Variants in CARS2 observed in about 807,000 individuals in gnomAD.
CARS2 encodes the protein cysteinyl-tRNA synthetase 2, mitochondrial.
Under a neutral mutation model 68.8 loss-of-function variants are expected in CARS2, and 52 were observed. That is an observed-to-expected ratio of 0.76 (90% CI 0.61 to 0.95). The LOEUF is 0.95. Among genes scored for constraint, CARS2 ranks in the 40% least tolerant of loss-of-function variants. The pLI is 0.00. For missense variants in CARS2, 780 were observed against 754.2 expected (o/e 1.03, Z -0.40); for synonymous variants, 314 against 303.6 (o/e 1.03, Z -0.36).
rs773231493 is a variant in CARS2, at chr13:110,651,040, G to C, written c.1048C>G (p.Arg350Gly). 14 of 1,612,778 alleles carry C rather than the reference G, an allele frequency of 8.7e-6. No individual in the cohort carries two copies. In the Admixed American group the frequency reaches 1.0e-4, roughly 12 times the overall value. Residue 350 changes from arginine to glycine, a missense_variant, in exon 10 of 15, where the codon CGC becomes GGC. Coordinates refer to ENST00000257347, the MANE Select transcript of CARS2 (RefSeq NM_024537.4). The stretch of plus-strand genomic sequence containing the variant: ...CCACGTGTGCTCGGCTCACCTGAGC[G>C]GTAGCTGCTCCGCAGGCAGAAGAAC... Reference protein sequence around the residue: ...FRFFCLRSSYRSAIDYSDSAM... With the variant: ...FRFFCLRSSYGSAIDYSDSAM...
At position 110,641,487 on chromosome 13, in the gene CARS2, G is replaced by T; in HGVS notation, c.*50C>A. Reference sequence around the variant, plus strand: ...CTTTAACATAAAGCCTTGACCCTGAGAAGCATGGGTGCGTCTTGTCGTGAG... The same window carrying T: ...CTTTAACATAAAGCCTTGACCCTGATAAGCATGGGTGCGTCTTGTCGTGAG... On this transcript the variant is annotated 3_prime_UTR_variant, in exon 15 of 15. Transcript: ENST00000257347. The T allele has an allele frequency of 7.0e-7, 1 of 1,438,710 alleles. No homozygotes were observed. Among genetic ancestry groups the T allele is most frequent in the Non-Finnish European group, 9.8e-7 (1 of 1,019,752 alleles). The allele number at this position is 1,438,710 out of a possible 1,614,324, so 89.1% of individuals were successfully genotyped here.
intron 12 of CARS2, 87 bp from the exon 13 acceptor site, chr13:110,644,570 T>C: frequency 6.4e-7 from 1 of 1,571,206 alleles, no homozygotes; most frequent in Non-Finnish European, 8.6e-7. Flanking sequence ...GACAAAGGCT[T>C]CAGCAGGTCA....
chr13:110,706,055 CG>C lies in CARS2; in HGVS notation c.38del (p.Pro13ArgfsTer53), dbSNP rs1412483498. ...RTTRGPGLGP[P>X]LLQAALGLGR... ...CAAGGCCCAGCGCGGCCTGGAGCAG[CG>C]GGGGGCCCAGGCCTGGGCCGCGCGT... On this transcript the variant is annotated frameshift_variant, in exon 1 of 15. Coordinates refer to ENST00000257347, the MANE Select transcript of CARS2 (RefSeq NM_024537.4). LOFTEE classifies it high-confidence loss of function. The C allele has an allele frequency of 1.8e-5, 25 of 1,360,080 alleles. No individual in the cohort carries two copies. The highest frequency in any genetic ancestry group is 3.6e-5 in the South Asian group (2 of 55,382). The allele number at this position is 1,360,080 out of a possible 1,614,324, so 84.3% of individuals were successfully genotyped here.
intron 7 of CARS2, 130 bp from the exon 8 acceptor site, chr13:110,667,603 CATG>C (rs1382280218): frequency 1.3e-6 from 1 of 744,772 alleles, no homozygotes; most frequent in Non-Finnish European, 2.0e-6. Context: ...CATCAATTTG[CATG>C]ATAATTTAAC....
chr13:110,656,173 T>C (rs902283319), intron 9 of CARS2, among the ~76,000 whole-genome samples: 3 of 152,058 alleles, frequency 2.0e-5, no homozygotes, highest in Non-Finnish European at 4.4e-5. Context: ...TGTGGTGGTG[T>C]AGGCCTGTAA....
At position 110,665,229 on chromosome 13, in the gene CARS2, T is replaced by A; in HGVS notation, c.920-1711A>T. 1 of 907,158 alleles carries A rather than the reference T, an allele frequency of 1.1e-6. No individual in the cohort carries two copies. Among genetic ancestry groups the A allele is most frequent in the Non-Finnish European group, 1.3e-6 (1 of 758,652 alleles). The allele number at this position is 907,158 out of a possible 1,614,324, so 56.2% of individuals were successfully genotyped here. ...TGGGAGGCAGAGGTGGCAGATCACT[T>A]GAGGTCAGGGGTTTGAGCCCAGCCT... On this transcript the variant is annotated intron_variant, in intron 8 of 14. Transcript: ENST00000257347. The surrounding 1 kb of genome is among the most constrained non-coding windows in gnomAD (Gnocchi z 4.3).
chr13:110,686,851 C>G (rs1199287375), intron 5 of CARS2, among the ~76,000 whole-genome samples: 2 of 152,020 alleles, frequency 1.3e-5, no homozygotes, highest in African/African-American at 4.8e-5. Flanking sequence ...AGCCACCATG[C>G]CTGGCCCTGC....
intron 7 of CARS2, among the ~76,000 whole-genome samples, chr13:110,667,929 G>A (rs2062693315): frequency 6.6e-6 from 1 of 152,194 alleles, no homozygotes; most frequent in Non-Finnish European, 1.5e-5. Context: ...CTCCTACAGT[G>A]CTGTGCCATG....
Position 110,663,180 on chromosome 13 carries a change from G to C in CARS2, c.987+271C>G, listed in dbSNP as rs560692560. 7 of 574,244 alleles carry C rather than the reference G, an allele frequency of 1.2e-5. 1 individual carries two copies. The highest frequency in any genetic ancestry group is 9.3e-5 in the African/African-American group (5 of 53,664). The allele number at this position is 574,244 out of a possible 1,614,324, so 35.6% of individuals were successfully genotyped here. A position where few individuals can be genotyped will look rare whatever the true frequency, so the allele number is the denominator to read the frequency against. Reference sequence around the variant, plus strand: ...CAACAATTATAAAAGGAAAAGGCAAGGAAGAGGGCGCCGGCCTTGAAACAC... The same window carrying C: ...CAACAATTATAAAAGGAAAAGGCAACGAAGAGGGCGCCGGCCTTGAAACAC... On this transcript the variant is annotated intron_variant, in intron 9 of 14. Coordinates refer to ENST00000257347, the MANE Select transcript of CARS2 (RefSeq NM_024537.4).
chr13:110,712,904 G>A, intron 1 of CARS2: 1 of 1,527,072 alleles, frequency 6.5e-7, no homozygotes, highest in Non-Finnish European at 8.9e-7. Context: ...CGACACAAAG[G>A]GAGGGCGGTG....
At chr13:110,642,153 G>A (rs1485671016) in intron 14 of CARS2, among the ~76,000 whole-genome samples, 162 bp downstream of exon 14, 1 of 152,160 alleles carries the variant, frequency 6.6e-6, no homozygotes, top group African/African-American at 2.4e-5. Context: ...GTTGTGGTGA[G>A]CCGAGATCAC....
At position 110,712,457 on chromosome 13, in the gene CARS2, G is replaced by T. The variant is rs1238340007; in HGVS notation, n.399+680C>A. On this transcript the variant is annotated intron_variant and non_coding_transcript_variant, in intron 1 of 2. Transcript: ENST00000485188. ...GGAGGCCGAAGCCGAGGCCGCCCCGGAACCAGAGAGCCAGGCGGGAAGTGC... is the reference window on the plus strand; with the variant it reads ...GGAGGCCGAAGCCGAGGCCGCCCCGTAACCAGAGAGCCAGGCGGGAAGTGC... The T allele has an allele frequency of 4.6e-5, 9 of 194,410 alleles. No individual in the cohort carries two copies. The East Asian group carries it at 1.5e-3, about 33-fold the overall frequency. 12.0% of individuals were successfully genotyped at this position (194,410 alleles called of 1,614,324 possible).
chr13:110,667,030 G>A (rs2062666566), intron 8 of CARS2: 1 of 834,684 alleles, frequency 1.2e-6, no homozygotes, highest in African/African-American at 1.8e-5. Flanking sequence ...CAGAAAGGAT[G>A]TTCATAATTA....
Position 110,644,451 on chromosome 13 carries a change from A to G in CARS2, c.1350T>C (p.Phe450=). 6.2e-7 allele frequency: 1 copy of G among 1,614,132 alleles called. No individual in the cohort carries two copies. Among genetic ancestry groups the G allele is most frequent in the East Asian group, 2.2e-5 (1 of 44,872 alleles). The stretch of plus-strand genomic sequence containing the variant: ...GTTCAAAGTAAGAGATGATGGCACC[A>G]AACACAGCAGGACTTCTCGGCCCTT... ...EPEGPRSPAV[F]GAIISYFEQF... Residue 450 remains phenylalanine (F), a synonymous_variant, in exon 13 of 15, where the codon TTT becomes TTC. Coordinates refer to ENST00000257347, the MANE Select transcript of CARS2 (RefSeq NM_024537.4).
At position 110,664,261 on chromosome 13, in the gene CARS2, C is replaced by G. The variant is rs999615273; in HGVS notation, c.920-743G>C. The G allele has an allele frequency of 5.4e-6, 5 of 928,166 alleles. No individual in the cohort carries two copies. The African/African-American group carries it at 8.9e-5, about 17-fold the overall frequency. 57.5% of individuals were successfully genotyped at this position (928,166 alleles called of 1,614,324 possible). A position where few individuals can be genotyped will look rare whatever the true frequency, so the allele number is the denominator to read the frequency against. On this transcript the variant is annotated intron_variant, in intron 8 of 14. Coordinates refer to ENST00000257347, the MANE Select transcript of CARS2 (RefSeq NM_024537.4). ...GTGGCTCACACCCGTAATACCAGCCCTTTGGGAGGCTAAGGTGGAAGGACC... is the reference window on the plus strand; with the variant it reads ...GTGGCTCACACCCGTAATACCAGCCGTTTGGGAGGCTAAGGTGGAAGGACC...
intron 3 of CARS2, among the ~76,000 whole-genome samples, chr13:110,700,653 C>T (rs1320220370): frequency 6.6e-6 from 1 of 152,232 alleles, no homozygotes; most frequent in Non-Finnish European, 1.5e-5. Flanking sequence ...AAGGTCTGCT[C>T]TGCGCAGCAC....
rs868498923 is a variant in CARS2, at chr13:110,647,117, C to T, written c.1177G>A (p.Ala393Thr). The change falls in exon 11 of 15, where the codon GCG (alanine) becomes ACG (threonine). Residue 393 changes from alanine to threonine, a missense_variant. Ala to Thr is a moderately conservative substitution (Grantham distance 58). Coordinates refer to ENST00000257347, the MANE Select transcript of CARS2 (RefSeq NM_024537.4). ...GQLACGSVRE[A>T]MLWERLSSTK... is the part of the protein sequence containing the mutation. ...GCCTCTTACCTCTCCCACAGCATCGCTTCCCTGACGGAGCCGCAGGCCAGC... is the reference window on the plus strand; with the variant it reads ...GCCTCTTACCTCTCCCACAGCATCGTTTCCCTGACGGAGCCGCAGGCCAGC... The T allele has an allele frequency of 2.5e-6, 4 of 1,595,984 alleles. No homozygotes were observed. Among genetic ancestry groups the T allele is most frequent in the African/African-American group, 1.3e-5 (1 of 74,814 alleles).
chr13:110,669,475 A>T (rs1011910682), intron 7 of CARS2, among the ~76,000 whole-genome samples: 1 of 152,174 alleles, frequency 6.6e-6, no homozygotes, highest in African/African-American at 2.4e-5. Flanking sequence ...TGTTTACCTT[A>T]ATCATCCTTT....
Position 110,665,252 on chromosome 13 carries a change from C to A in CARS2, c.920-1734G>T, listed in dbSNP as rs1594289583. On this transcript the variant is annotated intron_variant, in intron 8 of 14. Transcript: ENST00000257347. This position sits in a 1 kb window ranked among gnomAD's most constrained non-coding sequence, Gnocchi z 4.3. ...CTTGAGGTCAGGGGTTTGAGCCCAG[C>A]CTGGCCAACATGGTGAAACCCTGCT... 1 of 790,482 alleles carries A rather than the reference C, an allele frequency of 1.3e-6. No individual in the cohort carries two copies. The highest frequency in any genetic ancestry group is 1.3e-4 in the East Asian group (1 of 7,870). The allele number at this position is 790,482 out of a possible 1,614,324, so 49.0% of individuals were successfully genotyped here.
Sources: allele counts gnomAD v4.1 joint callset (sites outside exome capture counted in the v4.1 genomes callset), GRCh38; gene constraint gnomAD v4.1.1; non-coding constraint Gnocchi (gnomAD v3.1); transcripts MANE v1.5; gene names NCBI Gene and HGNC (gene_info 2026-07-23, HGNC 2026-07-21).